The following RAPGEF2 variants were observed in gnomAD, a reference collection of about 807,000 sequenced individuals.
RAPGEF2 encodes the protein Rap guanine nucleotide exchange factor 2.
In RAPGEF2, 54 loss-of-function variants were observed where a neutral mutation model predicts 186.7. That is an observed-to-expected ratio of 0.29 (90% CI 0.23 to 0.36). The LOEUF (loss-of-function observed/expected upper bound fraction) is 0.36. RAPGEF2 is among the 10% of genes least tolerant of loss of function. The probability of loss-of-function intolerance (pLI) is 1.00; values close to 1 mark genes in which losing one functional copy is unlikely to be tolerated. For synonymous variants in RAPGEF2, 712 were observed against 705.9 expected (o/e 1.01, Z -0.14); for missense variants, 1,532 against 2,045.0 (o/e 0.75, Z 4.84).
At chr4:159,286,185 T>C (rs1760468212) in intron 7 of RAPGEF2, among the ~76,000 whole-genome samples, 1 of 152,084 alleles carries the variant, frequency 6.6e-6, no homozygotes, top group Non-Finnish European at 1.5e-5. Context: ...ATGCACATAT[T>C]GAAACCCCAA....
At chr4:159,200,195 C>G (rs1217244712) in intron 3 of RAPGEF2, among the ~76,000 whole-genome samples, 1 of 152,170 alleles carries the variant, frequency 6.6e-6, no homozygotes. Flanking sequence ...GTGCCAGGCA[C>G]AGTGGCTCAT....
chr4:159,106,640 A>G (rs2111046922), intron 1 of RAPGEF2, among the ~76,000 whole-genome samples: 2 of 152,332 alleles, frequency 1.3e-5, no homozygotes, highest in Admixed American at 1.3e-4. Flanking sequence ...TAGACTCGAT[A>G]AAGGAGTTTG....
intron 1 of RAPGEF2, among the ~76,000 whole-genome samples, chr4:159,130,926 T>A (rs1354415732): frequency 6.6e-6 from 1 of 152,116 alleles, no homozygotes; most frequent in African/African-American, 2.4e-5. Context: ...CCCAGGCTGG[T>A]CTCAAGCTTT....
intron 1 of RAPGEF2, among the ~76,000 whole-genome samples, chr4:159,153,704 G>A (rs914053733): frequency 2.0e-5 from 3 of 151,944 alleles, no homozygotes; most frequent in African/African-American, 7.3e-5. Context: ...TCCTCCAGTT[G>A]CCCCCCAACA....
At chr4:159,319,001 A>G (rs1764929029) in intron 9 of RAPGEF2, among the ~76,000 whole-genome samples, 1 of 152,272 alleles carries the variant, frequency 6.6e-6, no homozygotes. Flanking sequence ...AGAAATACAA[A>G]AGAAAATTGT....
At chr4:159,305,661 G>A (rs1300070477) in intron 8 of RAPGEF2, among the ~76,000 whole-genome samples, 2 of 152,090 alleles carry the variant, frequency 1.3e-5, no homozygotes, top group African/African-American at 2.4e-5. Context: ...CTTCTACTGT[G>A]CAGAAGGTTT....
intron 8 of RAPGEF2, 95 bp downstream of exon 8, chr4:159,304,568 G>A (rs1763056261): frequency 5.0e-5 from 58 of 1,154,114 alleles, no homozygotes; most frequent in Non-Finnish European, 6.3e-5. Context: ...ATAAATATAT[G>A]TGTATATTAC....
intron 7 of RAPGEF2, chr4:159,268,094 C>G (rs1757653550): frequency 6.3e-7 from 1 of 1,591,136 alleles, no homozygotes; most frequent in South Asian, 1.1e-5. Context: ...TAGAGGGTGA[C>G]TTGCCATCGT....
At chr4:159,267,626 C>G in intron 7 of RAPGEF2, 2 of 621,672 alleles carry the variant, frequency 3.2e-6, no homozygotes, top group Non-Finnish European at 4.4e-6. Flanking sequence ...TTCTTTTTTT[C>G]TCTTGGTTGG....
intron 7 of RAPGEF2, among the ~76,000 whole-genome samples, chr4:159,284,510 ACACACACAC>A (rs1760182047): frequency 7.0e-6 from 1 of 142,610 alleles, no homozygotes. Context: ...ACACACACAC[ACACACACAC>A]ACACACACAC....
At chr4:159,178,822 G>C (rs1208419056) in intron 1 of RAPGEF2, among the ~76,000 whole-genome samples, 1 of 152,102 alleles carries the variant, frequency 6.6e-6, no homozygotes, top group African/African-American at 2.4e-5. Flanking sequence ...GCTTCCCAAA[G>C]TGCTGGGATT....
intron 4 of RAPGEF2, among the ~76,000 whole-genome samples, chr4:159,228,658 C>G (rs181590682): frequency 3.1e-3 from 478 of 152,094 alleles, no homozygotes; most frequent in East Asian, 0.016. Flanking sequence ...TCAGTTTTCC[C>G]AATACTTCTG....
chr4:159,202,704 C>T (rs1468350939), intron 3 of RAPGEF2, among the ~76,000 whole-genome samples: 1 of 152,126 alleles, frequency 6.6e-6, no homozygotes, highest in East Asian at 1.9e-4. Flanking sequence ...TGGGTTCAAG[C>T]GATTCTCTTG....
chr4:159,246,657 T>C (rs1754655552), intron 7 of RAPGEF2, among the ~76,000 whole-genome samples: 1 of 152,190 alleles, frequency 6.6e-6, no homozygotes, highest in Non-Finnish European at 1.5e-5. Context: ...GCATTTAGTT[T>C]CCGTGATTGT....
At chr4:159,207,554 A>G (rs982742931) in intron 3 of RAPGEF2, among the ~76,000 whole-genome samples, 10 of 152,256 alleles carry the variant, frequency 6.6e-5, no homozygotes, top group African/African-American at 1.2e-4. Context: ...TGTTAACTCT[A>G]TTAGTTGTCA....
At chr4:159,158,889 G>A (rs1231909935) in intron 1 of RAPGEF2, among the ~76,000 whole-genome samples, 1 of 152,174 alleles carries the variant, frequency 6.6e-6, no homozygotes, top group Non-Finnish European at 1.5e-5. Context: ...GTTTTTTGGA[G>A]ACTGGCTAAT....
chr4:159,308,553 A>T (rs1385015723), intron 8 of RAPGEF2, among the ~76,000 whole-genome samples: 2 of 152,198 alleles, frequency 1.3e-5, no homozygotes, highest in Non-Finnish European at 2.9e-5. Context: ...CTCCCCTAGA[A>T]GCCTATTTGA....
intron 7 of RAPGEF2, among the ~76,000 whole-genome samples, chr4:159,262,264 T>A (rs1756962168): frequency 6.6e-6 from 1 of 152,226 alleles, no homozygotes; most frequent in African/African-American, 2.4e-5. Flanking sequence ...CCTGTTTTTC[T>A]TAAATAAAAA....
chr4:159,134,778 T>C (rs1741526910), intron 1 of RAPGEF2, among the ~76,000 whole-genome samples: 1 of 152,226 alleles, frequency 6.6e-6, no homozygotes, highest in Non-Finnish European at 1.5e-5. Context: ...TGGTTTTTAG[T>C]AAATTCCTAG....
Sources: allele counts gnomAD v4.1 joint callset (sites outside exome capture counted in the v4.1 genomes callset), GRCh38; gene constraint gnomAD v4.1.1; transcripts MANE v1.5; gene names NCBI Gene and HGNC (gene_info 2026-07-23, HGNC 2026-07-21).